TMEM132D: variants seen among roughly 807,000 people sequenced by gnomAD.
TMEM132D encodes the protein mature OL transmembrane protein.
A neutral mutation model predicts 62.3 loss-of-function variants in TMEM132D; 21 were observed. The ratio of observed to expected loss-of-function variants is 0.34; its 90% confidence interval spans 0.24 to 0.49. TMEM132D has a LOEUF of 0.49. TMEM132D is among the 20% of genes least tolerant of loss of function. TMEM132D has a pLI of 0.99. For missense variants in TMEM132D, 1,346 were observed against 1,402.8 expected (o/e 0.96, Z 0.65); for synonymous variants, 621 against 575.6 (o/e 1.08, Z -1.13).
intron 3 of TMEM132D, among the ~76,000 whole-genome samples, chr12:129,435,358 C>T (rs565455416): frequency 3.9e-5 from 6 of 152,262 alleles, no homozygotes; most frequent in Non-Finnish European, 5.9e-5. Flanking sequence ...CTGGATCTTA[C>T]GGGCATACCA....
chr12:129,662,476 A>C (rs1178060597), intron 2 of TMEM132D, among the ~76,000 whole-genome samples: 1 of 152,148 alleles, frequency 6.6e-6, no homozygotes, highest in African/African-American at 2.4e-5. Context: ...GACTCAAATC[A>C]TCTGTCCTAA....
intron 1 of TMEM132D, among the ~76,000 whole-genome samples, chr12:129,777,646 A>G (rs1870982972): frequency 6.6e-6 from 1 of 152,218 alleles, no homozygotes; most frequent in Non-Finnish European, 1.5e-5. Context: ...CTTACCATGT[A>G]TATATGGTAA....
intron 2 of TMEM132D, among the ~76,000 whole-genome samples, chr12:129,592,497 T>C (rs1308604932): frequency 6.6e-6 from 1 of 152,250 alleles, no homozygotes; most frequent in Non-Finnish European, 1.5e-5. Context: ...AGGAGACAGA[T>C]ATGTGTACAC....
chr12:129,220,542 G>A (rs1879320361), intron 4 of TMEM132D, among the ~76,000 whole-genome samples: 1 of 152,158 alleles, frequency 6.6e-6, no homozygotes, highest in Admixed American at 6.5e-5. Context: ...GTGGGCAGCT[G>A]CAACAGTTTT....
At chr12:129,263,199 T>C (rs1880597891) in intron 4 of TMEM132D, among the ~76,000 whole-genome samples, 1 of 152,092 alleles carries the variant, frequency 6.6e-6, no homozygotes. Flanking sequence ...CGGTGGGAAG[T>C]CTGCTTGCTG....
At chr12:129,278,669 C>T (rs1881061624) in intron 4 of TMEM132D, among the ~76,000 whole-genome samples, 1 of 152,126 alleles carries the variant, frequency 6.6e-6, no homozygotes, top group South Asian at 2.1e-4. Flanking sequence ...GGCTTTGGCT[C>T]TGGGAGGAAT....
At chr12:129,805,389 A>C (rs927002406) in intron 1 of TMEM132D, among the ~76,000 whole-genome samples, 1 of 152,114 alleles carries the variant, frequency 6.6e-6, no homozygotes, top group East Asian at 1.9e-4. Flanking sequence ...ATAACGCCGC[A>C]TATCTACAAC....
chr12:129,075,571 G>A (rs1002250491), intron 8 of TMEM132D, among the ~76,000 whole-genome samples: 4 of 147,650 alleles, frequency 2.7e-5, no homozygotes, highest in African/African-American at 7.7e-5. Context: ...CTGCAGGGCT[G>A]CAGGCTGTGG....
intron 1 of TMEM132D, among the ~76,000 whole-genome samples, chr12:129,764,553 CGTGT>C (rs1221823678): frequency 1.3e-5 from 2 of 150,750 alleles, no homozygotes; most frequent in Non-Finnish European, 2.9e-5. Flanking sequence ...AATGCTATTA[CGTGT>C]GTGTGCACGT....
chr12:129,174,976 C>A (rs1246419712), intron 5 of TMEM132D, among the ~76,000 whole-genome samples: 1 of 152,012 alleles, frequency 6.6e-6, no homozygotes, highest in African/African-American at 2.4e-5. Context: ...GGATACTAGA[C>A]CTTTGTCAGA....
chr12:129,794,253 ATTTTTTTTT>A (rs3046861), intron 1 of TMEM132D, among the ~76,000 whole-genome samples: 6 of 111,576 alleles, frequency 5.4e-5, no homozygotes, highest in Non-Finnish European at 7.0e-5. Flanking sequence ...CATGCCCAGC[ATTTTTTTTT>A]TTTTTTTTTT....
intron 1 of TMEM132D, among the ~76,000 whole-genome samples, chr12:129,830,758 G>A (rs749225688): frequency 3.3e-5 from 5 of 151,988 alleles, no homozygotes; most frequent in East Asian, 1.9e-4. Flanking sequence ...TTTTCTCTAC[G>A]TAGAAAGCAC....
intron 5 of TMEM132D, among the ~76,000 whole-genome samples, chr12:129,187,249 T>C (rs1287480317): frequency 6.6e-6 from 1 of 152,142 alleles, no homozygotes; most frequent in Non-Finnish European, 1.5e-5. Flanking sequence ...AAAATACTGA[T>C]ATTGGACTGT....
rs1232309875 is a variant in TMEM132D at position 129,225,451 on chromosome 12, G to A, written c.1300-15788C>T. Among the ~76,000 whole-genome samples, 4 of 152,110 alleles carry A rather than the reference G, an allele frequency of 2.6e-5. No homozygotes were observed. In the East Asian group the frequency reaches 5.8e-4, roughly 22 times the overall value. On this transcript the variant is annotated intron_variant, in intron 4 of 8. Coordinates refer to ENST00000422113, the MANE Select transcript of TMEM132D (RefSeq NM_133448.3). ...GAGTTAAATGAGATGCAGGAGAATC[G>A]CCACCCGCACAGTCTTTGGACTCGG...
chr12:129,788,449 A>G (rs892056110), intron 1 of TMEM132D, among the ~76,000 whole-genome samples: 3 of 152,230 alleles, frequency 2.0e-5, no homozygotes, highest in African/African-American at 7.2e-5. Context: ...TCTGATCTCC[A>G]CTTAACTATT....
At chr12:129,594,946 G>A (rs1202665204) in intron 2 of TMEM132D, among the ~76,000 whole-genome samples, 1 of 152,172 alleles carries the variant, frequency 6.6e-6, no homozygotes. Context: ...TAGACTCAGG[G>A]TTTATAATCA....
chr12:129,828,735 GA>G (rs1872734089), intron 1 of TMEM132D, among the ~76,000 whole-genome samples: 1 of 34,180 alleles, frequency 2.9e-5, no homozygotes, highest in Non-Finnish European at 5.9e-5. Flanking sequence ...AGGGAGGGAG[GA>G]AAGGAGGGAG....
chr12:129,209,655 T>A lies in TMEM132D; in HGVS notation c.1308A>T (p.Glu436Asp). Residue 436 changes from glutamate to aspartate, a missense_variant, in exon 5 of 9, where the codon GAA becomes GAT. Glu to Asp is a conservative substitution (Grantham distance 45, BLOSUM62 2). Coordinates refer to ENST00000422113, the MANE Select transcript of TMEM132D (RefSeq NM_133448.3). The part of the protein sequence containing the change: ...IGVVPLAMEA[E>D]ILNTAILTGK... The stretch of plus-strand genomic sequence containing the variant: ...CCGTGAGGATGGCTGTGTTCAGGAT[T>A]TCTGCCTCCTGGAAGACCAAACACA... The A allele has an allele frequency of 6.2e-7, 1 of 1,614,148 alleles. No homozygotes were observed. The highest frequency in any genetic ancestry group is 8.5e-7 in the Non-Finnish European group (1 of 1,180,004).
chr12:129,228,841 G>T (rs985843172), intron 4 of TMEM132D, among the ~76,000 whole-genome samples: 1 of 152,192 alleles, frequency 6.6e-6, no homozygotes, highest in Admixed American at 6.5e-5. Flanking sequence ...TGATTTGTTT[G>T]GACTGTACAG....
Sources: allele counts gnomAD v4.1 joint callset (sites outside exome capture counted in the v4.1 genomes callset), GRCh38; gene constraint gnomAD v4.1.1; transcripts MANE v1.5; gene names NCBI Gene and HGNC (gene_info 2026-07-23, HGNC 2026-07-21).